Variants in FBN2 observed in about 807,000 individuals in gnomAD.
The protein encoded by FBN2 is fibrillin 2.
FBN2 carries 105 observed loss-of-function variants against 355.6 expected under a neutral mutation model. The ratio of observed to expected loss-of-function variants is 0.30; its 90% CI spans 0.25 to 0.35. The LOEUF (loss-of-function observed/expected upper bound fraction) is 0.35. FBN2 is among the 10% of genes least tolerant of loss of function. The pLI, the probability that FBN2 is intolerant of heterozygous loss-of-function variation, is 1.00. For synonymous variants in FBN2, 1,350 were observed against 1,301.2 expected (o/e 1.04, Z -0.81); for missense variants, 3,280 against 3,758.7 (o/e 0.87, Z 3.33).
chr5:128,366,410 T>C lies in FBN2; in HGVS notation c.2269A>G (p.Ser757Gly), dbSNP rs1405789798. 2 of 1,605,394 alleles carry C rather than the reference T, an allele frequency of 1.2e-6. No homozygotes were observed. The highest frequency in any genetic ancestry group is 1.1e-5 in the South Asian group (1 of 90,560). Reference sequence around the variant, plus strand: ...TCCACAGTGATACCTACTCCACTACTACAAAGGCCGTGGAATTCAGCTGTA... The same window carrying C: ...TCCACAGTGATACCTACTCCACTACCACAAAGGCCGTGGAATTCAGCTGTA... ...KNSAEFHGLC[S>G]SGVGITVDGR... Residue 757 changes from serine (S) to glycine (G), a missense_variant, in exon 17 of 65, where the codon AGT becomes GGT. Ser to Gly is a moderately conservative substitution (Grantham distance 56). This residue lies in a region of FBN2 where 2,284 missense variants were observed against 2,749.5 expected (regional missense o/e 0.83). Transcript: ENST00000262464.
chr5:128,504,532 G>A (rs1755903544), intron 5 of FBN2, among the ~76,000 whole-genome samples: 1 of 152,136 alleles, frequency 6.6e-6, no homozygotes, highest in Admixed American at 6.5e-5. Flanking sequence ...GAGTCAAAAG[G>A]GATCATTATG....
In FBN2 at chr5:128,378,815, C is replaced by T; in HGVS notation, c.1679G>A (p.Cys560Tyr). The T allele has an allele frequency of 1.2e-6, 2 of 1,613,268 alleles. No homozygotes were observed. Among genetic ancestry groups the T allele is most frequent in the Non-Finnish European group, 1.7e-6 (2 of 1,179,422 alleles). ...AGGAGTCCTCTGGAATCCAGCATGA[C>T]ATTTACAATAATAGGAACCAGGTGT... ...VNTPGSYYCK[C>Y]HAGFQRTPTK... The change falls in exon 12 of 65, where the codon TGT becomes TAT. Residue 560 changes from cysteine (C) to tyrosine (Y), a missense_variant. By Grantham distance (194) the Cys-to-Tyr change is radical. Transcript: ENST00000262464.
chr5:128,503,241 T>G (rs947357890), intron 5 of FBN2, among the ~76,000 whole-genome samples: 8 of 152,196 alleles, frequency 5.3e-5, no homozygotes, highest in African/African-American at 1.2e-4. Flanking sequence ...CCCAGACATG[T>G]GGAAATGTGA....
intron 49 of FBN2, among the ~76,000 whole-genome samples, 164 bp downstream of exon 49, chr5:128,291,364 TA>T (rs34368449): frequency 1.3e-5 from 2 of 152,146 alleles, no homozygotes; most frequent in East Asian, 1.9e-4. Context: ...CAAAGTACCT[TA>T]AAAATTGTTC....
At chr5:128,333,766 T>G (rs1750755738) in intron 31 of FBN2, among the ~76,000 whole-genome samples, 2 of 151,652 alleles carry the variant, frequency 1.3e-5, no homozygotes, top group Admixed American at 1.3e-4. Context: ...GATTTGGTTC[T>G]CCAAAGCTTT....
chr5:128,487,550 T>A (rs2127119801), intron 5 of FBN2, among the ~76,000 whole-genome samples: 1 of 152,306 alleles, frequency 6.6e-6, no homozygotes, highest in East Asian at 1.9e-4. Flanking sequence ...ATATTTGTTT[T>A]AAATTTTCCC....
chr5:128,295,979 T>C (rs1312114882), intron 48 of FBN2, among the ~76,000 whole-genome samples: 1 of 150,664 alleles, frequency 6.6e-6, no homozygotes, highest in Non-Finnish European at 1.5e-5. Flanking sequence ...GGGTTTGTCA[T>C]AGATAGCTCT....
chr5:128,325,306 T>C (rs528369572), intron 34 of FBN2, among the ~76,000 whole-genome samples: 3 of 152,350 alleles, frequency 2.0e-5, no homozygotes, highest in African/African-American at 7.2e-5. Context: ...TGGGTGCATA[T>C]ATATTTAGGA....
At chr5:128,295,476 T>C (rs1315730215) in intron 48 of FBN2, among the ~76,000 whole-genome samples, 2 of 150,194 alleles carry the variant, frequency 1.3e-5, no homozygotes, top group African/African-American at 2.5e-5. Flanking sequence ...GAGCATGGAA[T>C]GTTCTTCCAC....
At position 128,415,950 on chromosome 5, in the gene FBN2, T is replaced by C. The variant is rs577506256; in HGVS notation, c.953-7151A>G. Among the ~76,000 whole-genome samples, 14 of 152,306 alleles carry C rather than the reference T, an allele frequency of 9.2e-5. 1 individual carries two copies. The South Asian group carries it at 2.7e-3, about 29-fold the overall frequency. ...TTTTGATTTGCATGTCTCTCATGATTAGTAATACTGAGCATTTTTTCAAGT... is the reference window on the plus strand; with the variant it reads ...TTTTGATTTGCATGTCTCTCATGATCAGTAATACTGAGCATTTTTTCAAGT... On this transcript the variant is annotated intron_variant, in intron 7 of 64. Coordinates refer to ENST00000262464, the MANE Select transcript of FBN2 (RefSeq NM_001999.4).
At chr5:128,456,434 C>A (rs185340657) in intron 6 of FBN2, among the ~76,000 whole-genome samples, 1 of 152,128 alleles carries the variant, frequency 6.6e-6, no homozygotes, top group African/African-American at 2.4e-5. Flanking sequence ...CTCTCTCCAC[C>A]AAAGGACAAA....
intron 10 of FBN2, 75 bp downstream of exon 10, chr5:128,393,060 T>C (rs1752559701): frequency 4.1e-6 from 5 of 1,213,078 alleles, no homozygotes; most frequent in Non-Finnish European, 6.1e-6. Context: ...TTTTGAAAAA[T>C]TAAAATTATG....
intron 41 of FBN2, among the ~76,000 whole-genome samples, 197 bp downstream of exon 41, chr5:128,309,050 T>C (rs1162374540): frequency 6.6e-6 from 1 of 152,252 alleles, no homozygotes; most frequent in African/African-American, 2.4e-5. Flanking sequence ...TTCACAAGCC[T>C]ATCCAACATA....
chr5:128,259,926 G>A, intron 64 of FBN2, 97 bp from the exon 65 acceptor site: 4 of 1,297,526 alleles, frequency 3.1e-6, no homozygotes, highest in Non-Finnish European at 4.4e-6. Flanking sequence ...CACGAGGACA[G>A]GCTGTGGCTT....
chr5:128,264,300 G>A (rs114193275), intron 62 of FBN2, among the ~76,000 whole-genome samples: 1,652 of 151,224 alleles, frequency 0.011, 15 homozygotes, highest in Middle Eastern at 0.038. Flanking sequence ...AAATGAAAAC[G>A]ATGGAAAACA....
At chr5:128,408,968 A>G (rs1452993836) in intron 7 of FBN2, among the ~76,000 whole-genome samples, 169 bp from the exon 8 acceptor site, 1 of 152,162 alleles carries the variant, frequency 6.6e-6, no homozygotes, top group Non-Finnish European at 1.5e-5. Flanking sequence ...ACACATATCT[A>G]TGGGAACTGA....
intron 58 of FBN2, among the ~76,000 whole-genome samples, chr5:128,277,466 C>T (rs1339423121): frequency 2.6e-5 from 4 of 152,140 alleles, no homozygotes; most frequent in African/African-American, 7.2e-5. Context: ...TACACAAACA[C>T]ACATATTCAT....
At chr5:128,305,800 A>T in intron 43 of FBN2, 23 bp downstream of exon 43, 1 of 1,613,450 alleles carries the variant, frequency 6.2e-7, no homozygotes, top group Non-Finnish European at 8.5e-7. Flanking sequence ...TACTGGATAA[A>T]GGACATACTT....
intron 25 of FBN2, among the ~76,000 whole-genome samples, chr5:128,342,352 G>C (rs1288949938): frequency 2.6e-5 from 4 of 151,994 alleles, no homozygotes; most frequent in African/African-American, 9.7e-5. Flanking sequence ...AGAGGTCCAG[G>C]AGAGATGTTT....
Sources: allele counts gnomAD v4.1 joint callset (sites outside exome capture counted in the v4.1 genomes callset), GRCh38; gene constraint gnomAD v4.1.1; regional missense constraint gnomAD v4.1.1; transcripts MANE v1.5; gene names NCBI Gene and HGNC (gene_info 2026-07-23, HGNC 2026-07-21).